GATA4: variants seen among roughly 807,000 people sequenced by gnomAD.
GATA4 encodes the protein GATA binding protein 4, also known as transcription factor GATA-4.
GATA4 carries 7 observed loss-of-function variants against 37.9 expected under a neutral mutation model. The observed-to-expected ratio is 0.18, with a 90% CI of 0.11 to 0.35. The LOEUF is 0.35. Among genes scored for constraint, GATA4 ranks in the 10% least tolerant of loss-of-function variants. GATA4 has a pLI of 1.00. For synonymous variants in GATA4, 372 were observed against 292.6 expected, an observed-to-expected ratio of 1.27 and a Z score of -2.77; for missense variants, 647 against 653.0, an observed-to-expected ratio of 0.99 and a Z score of 0.10.
intron 1 of GATA4, among the ~76,000 whole-genome samples, chr8:11,678,179 G>A (rs1389183388): frequency 2.0e-5 from 3 of 152,074 alleles, no homozygotes; most frequent in Non-Finnish European, 4.4e-5. Context: ...CATGCTCGCA[G>A]GTTGAAAGCA....
At chr8:11,750,266 C>T in intron 4 of GATA4, 30 bp downstream of exon 4, 2 of 1,610,008 alleles carry the variant, frequency 1.2e-6, no homozygotes, top group Non-Finnish European at 1.7e-6. Context: ...ATGCGGCATC[C>T]TTGCCTTCTG....
intron 2 of GATA4, among the ~76,000 whole-genome samples, chr8:11,730,919 C>T (rs1410767827): frequency 6.6e-6 from 1 of 152,232 alleles, no homozygotes; most frequent in Non-Finnish European, 1.5e-5. Context: ...TGGGAGCTCA[C>T]ATTTCAGGGC....
chr8:11,747,191 T>A (rs1733078217), intron 2 of GATA4, among the ~76,000 whole-genome samples: 1 of 152,212 alleles, frequency 6.6e-6, no homozygotes, highest in African/African-American at 2.4e-5. Context: ...CCAAGGTAGA[T>A]GTGTTTTGGG....
At chr8:11,692,304 T>C (rs950030876), upstream of GATA4, among the ~76,000 whole-genome samples, 10 of 152,216 alleles carry the variant, frequency 6.6e-5, no homozygotes, top group Non-Finnish European at 5.9e-5. Flanking sequence ...GCAATGACAG[T>C]GTGTGCTGTT....
intron 1 of GATA4, chr8:11,682,933 CG>C (rs1799019335): frequency 2.8e-6 from 1 of 352,504 alleles, no homozygotes; most frequent in Non-Finnish European, 4.0e-6. Flanking sequence ...GTTTCCACAC[CG>C]GGGACCTGCT....
At chr8:11,696,115 A>G (rs1235331603) in intron 1 of GATA4, among the ~76,000 whole-genome samples, 1 of 152,036 alleles carries the variant, frequency 6.6e-6, no homozygotes, top group Non-Finnish European at 1.5e-5. Context: ...GCTTTTTTCA[A>G]AGCCAGATTT....
intron 2 of GATA4, among the ~76,000 whole-genome samples, chr8:11,740,030 C>A (rs1018977219): frequency 6.6e-6 from 1 of 152,152 alleles, no homozygotes; most frequent in East Asian, 1.9e-4. Flanking sequence ...GGGCACCCTT[C>A]GCATGCAGTC....
chr8:11,755,677 G>A (rs1802523660), intron 5 of GATA4, among the ~76,000 whole-genome samples: 1 of 152,124 alleles, frequency 6.6e-6, no homozygotes, highest in Admixed American at 6.5e-5. Context: ...TTACTAACAA[G>A]CAAACTGAGG....
chr8:11,697,166 T>C (rs1292812083), intron 1 of GATA4, among the ~76,000 whole-genome samples: 1 of 152,266 alleles, frequency 6.6e-6, no homozygotes, highest in African/African-American at 2.4e-5. Context: ...GGCAACTTGC[T>C]GTTCATTAGC....
chr8:11,721,542 A>G (rs2130146486), intron 2 of GATA4, among the ~76,000 whole-genome samples: 1 of 152,018 alleles, frequency 6.6e-6, no homozygotes, highest in South Asian at 2.1e-4. Context: ...TCGGAGAAGG[A>G]ACTCTGGTTA....
intron 2 of GATA4, among the ~76,000 whole-genome samples, chr8:11,735,435 CTAAAAA>C (rs1422624723): frequency 1.3e-5 from 2 of 152,078 alleles, no homozygotes; most frequent in African/African-American, 4.8e-5. Context: ...TTTAAAATTT[CTAAAAA>C]TAAAAATGTT....
intron 1 of GATA4, chr8:11,697,954 G>C: frequency 3.0e-6 from 3 of 985,468 alleles, no homozygotes; most frequent in Non-Finnish European, 3.6e-6. Context: ...TGGGCCTGGC[G>C]GCGCTCCAGC....
chr8:11,708,291 A>G lies in GATA4; in HGVS notation c.-22A>G. On this transcript the variant is annotated 5_prime_UTR_variant, in exon 2 of 7. Transcript: ENST00000532059. This position sits in a 1 kb window ranked among gnomAD's most constrained non-coding sequence, Gnocchi z 6.7. ...CCTGCGAGGGAGAGAGAGGACACCG[A>G]AGCCGGGAGCTCGCAGGGACCATGT... 6.4e-7 allele frequency: 1 copy of G among 1,567,718 alleles called. No individual in the cohort carries two copies. Among genetic ancestry groups the G allele is most frequent in the Non-Finnish European group, 8.6e-7 (1 of 1,163,878 alleles).
At chr8:11,688,047 C>G (rs1563187319), upstream of GATA4, among the ~76,000 whole-genome samples, 1 of 152,208 alleles carries the variant, frequency 6.6e-6, no homozygotes. Flanking sequence ...TTAAACCCAA[C>G]TGAGTAAATG....
At chr8:11,734,000 A>G (rs1237045932) in intron 2 of GATA4, among the ~76,000 whole-genome samples, 1 of 152,256 alleles carries the variant, frequency 6.6e-6, no homozygotes, top group East Asian at 1.9e-4. Context: ...TGCATGTCCA[A>G]TTGAAGCATA....
At chr8:11,733,807 TA>T (rs769770837) in intron 2 of GATA4, among the ~76,000 whole-genome samples, 1 of 152,186 alleles carries the variant, frequency 6.6e-6, no homozygotes, top group Non-Finnish European at 1.5e-5. Flanking sequence ...TGGTGAGGAT[TA>T]TTTCCACCAC....
intron 2 of GATA4, among the ~76,000 whole-genome samples, chr8:11,735,003 C>T (rs1314215444): frequency 6.6e-6 from 1 of 152,094 alleles, no homozygotes; most frequent in Middle Eastern, 3.2e-3. Flanking sequence ...TGTAAATCAA[C>T]TCAAATAAAG....
At chr8:11,678,295 A>G (rs1443202221) in intron 1 of GATA4, among the ~76,000 whole-genome samples, 1 of 152,138 alleles carries the variant, frequency 6.6e-6, no homozygotes, top group Non-Finnish European at 1.5e-5. Context: ...TGTACCTATT[A>G]CAAATATTAG....
At position 11,759,371 on chromosome 8, in the gene GATA4, G is replaced by C. The variant is rs1411819106; in HGVS notation, c.*896G>C. On this transcript the variant is annotated 3_prime_UTR_variant, in exon 7 of 7. Coordinates refer to ENST00000532059, the MANE Select transcript of GATA4 (RefSeq NM_001308093.3). ...TCTGGCAAGCACTCAGCCCAGCCTCGAGGTCCTTCTGGGGAGAGTGTAAGT... is the reference window on the plus strand; with the variant it reads ...TCTGGCAAGCACTCAGCCCAGCCTCCAGGTCCTTCTGGGGAGAGTGTAAGT... The C allele has an allele frequency of 6.5e-6, 1 of 152,960 alleles. No homozygotes were observed. The highest frequency in any genetic ancestry group is 2.4e-5 in the African/African-American group (1 of 41,468). 9.5% of individuals were successfully genotyped at this position (152,960 alleles called of 1,614,324 possible). A position where few individuals can be genotyped will look rare whatever the true frequency, so the allele number is the denominator to read the frequency against.
Sources: allele counts gnomAD v4.1 joint callset (sites outside exome capture counted in the v4.1 genomes callset), GRCh38; gene constraint gnomAD v4.1.1; non-coding constraint Gnocchi (gnomAD v3.1); transcripts MANE v1.5; gene names NCBI Gene and HGNC (gene_info 2026-07-23, HGNC 2026-07-21).